Variants in KMT2C observed in about 807,000 individuals in gnomAD.
KMT2C encodes the protein lysine methyltransferase 2C, also known as histone-lysine N-methyltransferase 2C.
A neutral mutation model predicts 507.9 loss-of-function variants in KMT2C; 88 were observed. The ratio of observed to expected loss-of-function variants is 0.17; its 90% CI spans 0.15 to 0.21. The LOEUF is 0.21. Among genes scored for constraint, KMT2C ranks in the 10% least tolerant of loss-of-function variants. The pLI is 1.00. For missense variants in KMT2C, 4,954 were observed against 5,957.8 expected, an observed-to-expected ratio of 0.83 and a Z score of 5.55; for synonymous variants, 2,049 against 2,080.8, an observed-to-expected ratio of 0.98 and a Z score of 0.42.
At chr7:152,202,567 A>G (rs78887061) in intron 26 of KMT2C, among the ~76,000 whole-genome samples, 2,603 of 152,304 alleles carry the variant, frequency 0.017, 73 homozygotes, top group African/African-American at 0.06. Context: ...ATCAATGAAT[A>G]TAATTAATGT....
At chr7:152,350,369 C>T (rs1589369535) in intron 2 of KMT2C, among the ~76,000 whole-genome samples, 1 of 152,124 alleles carries the variant, frequency 6.6e-6, no homozygotes, top group Non-Finnish European at 1.5e-5. Context: ...AATTACAGTC[C>T]TCTCAGAACA....
intron 6 of KMT2C, among the ~76,000 whole-genome samples, chr7:152,307,829 C>CTGTACATGCAAATACAT (rs1213211699): frequency 6.6e-6 from 1 of 152,166 alleles, no homozygotes; most frequent in African/African-American, 2.4e-5. Flanking sequence ...CAAATACATA[C>CTGTACATGCAAATACAT]ACCTACATTT....
intron 1 of KMT2C, among the ~76,000 whole-genome samples, chr7:152,417,095 GTTTATA>G (rs756218938): frequency 6.7e-6 from 1 of 148,762 alleles, no homozygotes. Context: ...CAAAAAAAGA[GTTTATA>G]TTTATTGCTT....
chr7:152,186,114 G>T (rs982043280), intron 33 of KMT2C, among the ~76,000 whole-genome samples: 1 of 152,094 alleles, frequency 6.6e-6, no homozygotes, highest in African/African-American at 2.4e-5. Flanking sequence ...TGTCATGACG[G>T]TATACAAAAT....
rs548005028 is a variant in KMT2C, at chr7:152,435,730, G to C, written c.57C>G (p.Pro19=). 10 of 1,524,718 alleles carry C rather than the reference G, an allele frequency of 6.6e-6. No homozygotes were observed. In the African/African-American group the frequency reaches 1.0e-4, roughly 15 times the overall value. The allele number at this position is 1,524,718 out of a possible 1,614,324, so 94.4% of individuals were successfully genotyped here. A position where few individuals can be genotyped will look rare whatever the true frequency, so the allele number is the denominator to read the frequency against. Residue 19 remains proline (P), a synonymous_variant, in exon 1 of 59, where the codon CCC becomes CCG. Coordinates refer to ENST00000262189, the MANE Select transcript of KMT2C (RefSeq NM_170606.3). ...TCGGGGCCGGGGCTCCAGGCTCCTC[G>C]GGGGGTGGTGGCGGCGGCTGCGGCT... ...VEQPQPPPPP[P]EEPGAPAPSP...
chr7:152,178,153 A>G, intron 37 of KMT2C, 143 bp from the exon 38 acceptor site: 1 of 864,750 alleles, frequency 1.2e-6, no homozygotes, highest in South Asian at 3.7e-5. Context: ...AAGCAAAGCT[A>G]TCACCATTAA....
intron 1 of KMT2C, among the ~76,000 whole-genome samples, chr7:152,395,471 G>C (rs1445719148): frequency 1.3e-5 from 2 of 151,908 alleles, no homozygotes; most frequent in Non-Finnish European, 2.9e-5. Context: ...TTATAGGCAT[G>C]AGCCACAGTG....
chr7:152,322,219 CA>C (rs987965671), intron 3 of KMT2C, among the ~76,000 whole-genome samples: 3 of 151,746 alleles, frequency 2.0e-5, no homozygotes, highest in African/African-American at 4.8e-5. Context: ...GAAAATAAGC[CA>C]GGGGTGGTAG....
intron 6 of KMT2C, among the ~76,000 whole-genome samples, chr7:152,304,933 A>G (rs1007340455): frequency 6.6e-6 from 1 of 152,122 alleles, no homozygotes; most frequent in Non-Finnish European, 1.5e-5. Flanking sequence ...GATAGCAGAA[A>G]TTTTCCTTGG....
intron 6 of KMT2C, among the ~76,000 whole-genome samples, chr7:152,290,269 T>G: frequency 3.9e-5 from 1 of 25,970 alleles, no homozygotes; most frequent in Non-Finnish European, 7.5e-5. Flanking sequence ...TATATATATA[T>G]ATATATATAT....
intron 1 of KMT2C, among the ~76,000 whole-genome samples, chr7:152,366,161 T>C (rs919484762): frequency 6.6e-6 from 1 of 151,876 alleles, no homozygotes; most frequent in Non-Finnish European, 1.5e-5. Flanking sequence ...TAAAATGATA[T>C]GGGCCCTGGA....
chr7:152,193,116 A>T (rs1588097709), intron 31 of KMT2C, among the ~76,000 whole-genome samples: 1 of 152,274 alleles, frequency 6.6e-6, no homozygotes, highest in East Asian at 1.9e-4. Flanking sequence ...ATCGCAGCTG[A>T]CGTGAGTTGT....
At chr7:152,425,860 T>G (rs1469412693) in intron 1 of KMT2C, among the ~76,000 whole-genome samples, 2 of 152,012 alleles carry the variant, frequency 1.3e-5, no homozygotes, top group African/African-American at 4.8e-5. Flanking sequence ...GTGTAAAGAT[T>G]TAAAGTGACC....
At position 152,181,190 on chromosome 7, in the gene KMT2C, T is replaced by C; in HGVS notation, c.6670A>G (p.Thr2224Ala). The change falls in exon 36 of 59, where the codon ACA (threonine) becomes GCA (alanine). Residue 2224 changes from threonine (T) to alanine (A), a missense_variant. By Grantham distance (58) the Thr-to-Ala change is moderately conservative. Around this residue, in one of 29 missense-constraint regions of KMT2C, gnomAD observed 1,689 missense variants for 1,654.3 expected, o/e 1.02. Coordinates refer to ENST00000262189, the MANE Select transcript of KMT2C (RefSeq NM_170606.3). ...ISVPYSQPPA[T>A]PRPRISEGFT... ...CCCTCTGAAATCCTTGGCCTTGGTG[T>C]TGCTGGTGGCTGAGAGTAAGGGACA... 1 of 1,614,124 alleles carries C rather than the reference T, an allele frequency of 6.2e-7. No individual in the cohort carries two copies. Among genetic ancestry groups the C allele is most frequent in the Non-Finnish European group, 8.5e-7 (1 of 1,180,012 alleles).
intron 9 of KMT2C, 103 bp from the exon 10 acceptor site, chr7:152,252,818 C>A: frequency 1.3e-6 from 1 of 799,730 alleles, no homozygotes; most frequent in Admixed American, 2.9e-5. Context: ...GTGGATTATA[C>A]ATTAAGCTTT....
At chr7:152,281,461 G>C (rs1274447637) in intron 6 of KMT2C, among the ~76,000 whole-genome samples, 1 of 152,192 alleles carries the variant, frequency 6.6e-6, no homozygotes, top group African/African-American at 2.4e-5. Flanking sequence ...GCCAGGCACA[G>C]TGGCTCACGC....
intron 1 of KMT2C, among the ~76,000 whole-genome samples, chr7:152,362,258 CAGT>C (rs2097203167): frequency 6.6e-6 from 1 of 152,014 alleles, no homozygotes; most frequent in South Asian, 2.1e-4. Flanking sequence ...AAAAGCATTG[CAGT>C]AGAAGTAACA....
intron 14 of KMT2C, among the ~76,000 whole-genome samples, chr7:152,243,816 A>G (rs1563551936): frequency 6.6e-6 from 1 of 152,122 alleles, no homozygotes; most frequent in Admixed American, 6.5e-5. Flanking sequence ...AATAAAATAA[A>G]GAAATGTCTA....
chr7:152,222,010 T>C lies in KMT2C; in HGVS notation c.3490A>G (p.Lys1164Glu), dbSNP rs748151833. 2.5e-6 allele frequency: 4 copies of C among 1,604,746 alleles called. No homozygotes were observed. The highest frequency in any genetic ancestry group is 3.4e-6 in the Non-Finnish European group (4 of 1,176,100). ...GCATTTCAAATTTTACCTAGCTCTTTTACTTTTGTGACAATTTGTGCTACA... is the reference window on the plus strand; with the variant it reads ...GCATTTCAAATTTTACCTAGCTCTTCTACTTTTGTGACAATTTGTGCTACA... ...SLVAQIVTKV[K>E]ELDPPKTYTQ... The change falls in exon 22 of 59, where the codon AAA becomes GAA. Residue 1164 changes from lysine to glutamate, a missense_variant. This residue lies in a region of KMT2C where 176 missense variants were observed against 262.0 expected (regional missense o/e 0.67). Coordinates refer to ENST00000262189, the MANE Select transcript of KMT2C (RefSeq NM_170606.3).
Sources: allele counts gnomAD v4.1 joint callset (sites outside exome capture counted in the v4.1 genomes callset), GRCh38; gene constraint gnomAD v4.1.1; regional missense constraint gnomAD v4.1.1; transcripts MANE v1.5; gene names NCBI Gene and HGNC (gene_info 2026-07-23, HGNC 2026-07-21).